FAM81B: variants seen among roughly 807,000 people sequenced by gnomAD.
FAM81B encodes the protein family with sequence similarity 81 member B, also known as protein FAM81B.
FAM81B carries 60 observed loss-of-function variants against 58.7 expected under a neutral mutation model. The observed-to-expected ratio is 1.02, with a 90% confidence interval of 0.83 to 1.27. The LOEUF is 1.27. FAM81B is among the 50% of genes most tolerant of loss of function. The probability of loss-of-function intolerance (pLI) is 0.00; values close to 1 mark genes in which losing one functional copy is unlikely to be tolerated. For synonymous variants in FAM81B, 189 were observed against 179.6 expected (o/e 1.05, Z -0.42); for missense variants, 491 against 522.0 (o/e 0.94, Z 0.58).
chr5:95,397,240 G>A (rs1373396227), intron 3 of FAM81B, among the ~76,000 whole-genome samples: 4 of 151,858 alleles, frequency 2.6e-5, no homozygotes, highest in African/African-American at 7.3e-5. Context: ...ACTTGTATTT[G>A]TTTATATGAC....
chr5:95,427,839 C>T (rs1243823086), intron 5 of FAM81B, among the ~76,000 whole-genome samples: 2 of 152,158 alleles, frequency 1.3e-5, no homozygotes, highest in African/African-American at 2.4e-5. Context: ...AACCTGCTGT[C>T]CCCCAAGAGA....
chr5:95,416,737 T>G (rs1035459481), intron 4 of FAM81B, among the ~76,000 whole-genome samples: 1 of 152,174 alleles, frequency 6.6e-6, no homozygotes, highest in Non-Finnish European at 1.5e-5. Flanking sequence ...CATTAAAATC[T>G]CTTTGCATGG....
chr5:95,445,350 C>G (rs1233700534), intron 7 of FAM81B, among the ~76,000 whole-genome samples: 3 of 152,110 alleles, frequency 2.0e-5, no homozygotes, highest in African/African-American at 7.2e-5. Flanking sequence ...GAATTTGAAG[C>G]CAACATCTTA....
Position 95,414,150 on chromosome 5 carries a change from C to G in FAM81B, c.497C>G (p.Thr166Ser). Reference sequence around the variant, plus strand: ...AAGTTACTGGAAAGCCACATCCAGACCATCACCAGCATCGTCAAAAAACTC... The same window carrying G: ...AAGTTACTGGAAAGCCACATCCAGAGCATCACCAGCATCGTCAAAAAACTC... The part of the protein sequence containing the change: ...ARKLLESHIQ[T>S]ITSIVKKLSQ... The change falls in exon 4 of 10, where the codon ACC (threonine) becomes AGC (serine). Residue 166 changes from threonine (T) to serine (S), a missense_variant. Thr to Ser is a moderately conservative substitution (Grantham distance 58). Coordinates refer to ENST00000283357, the MANE Select transcript of FAM81B (RefSeq NM_152548.3). 6.2e-7 allele frequency: 1 copy of G among 1,613,932 alleles called. No individual in the cohort carries two copies. Among genetic ancestry groups the G allele is most frequent in the Non-Finnish European group, 8.5e-7 (1 of 1,179,922 alleles).
intron 5 of FAM81B, 107 bp downstream of exon 5, chr5:95,420,509 A>G: frequency 6.9e-7 from 1 of 1,450,762 alleles, no homozygotes. Context: ...TCTACACATT[A>G]AGCTAAACTA....
intron 7 of FAM81B, chr5:95,440,659 C>G (rs768776395): frequency 2.3e-6 from 2 of 876,460 alleles, no homozygotes; most frequent in East Asian, 8.2e-5. Flanking sequence ...GATCCAAGGA[C>G]AGACCACAGA....
chr5:95,442,100 A>T lies in FAM81B; in HGVS notation c.894-4462A>T, dbSNP rs114666189. Among the ~76,000 whole-genome samples the T allele has an allele frequency of 7.9e-3, 1,197 of 152,338 alleles. 8 individuals are homozygous for T. Among genetic ancestry groups the T allele is most frequent in the Middle Eastern group, 0.017 (5 of 294 alleles). On this transcript the variant is annotated intron_variant, in intron 7 of 9. Coordinates refer to ENST00000283357, the MANE Select transcript of FAM81B (RefSeq NM_152548.3). ...GAAAGTTAATAATTACCCAGTACAG[A>T]GATATGTCAAATTCAACTTTGTATC... is the stretch of plus-strand genomic sequence containing the variant.
At chr5:95,445,756 G>C (rs1209826934) in intron 7 of FAM81B, among the ~76,000 whole-genome samples, 1 of 152,014 alleles carries the variant, frequency 6.6e-6, no homozygotes, top group Non-Finnish European at 1.5e-5. Context: ...GATTTTGCCT[G>C]AGACAAATGC....
intron 6 of FAM81B, among the ~76,000 whole-genome samples, chr5:95,428,995 C>G (rs1744749413): frequency 6.6e-6 from 1 of 152,060 alleles, no homozygotes; most frequent in Admixed American, 6.5e-5. Context: ...TATTTTTTTA[C>G]TCTCTGGAAG....
At chr5:95,421,555 G>A (rs1458435200) in intron 5 of FAM81B, among the ~76,000 whole-genome samples, 2 of 152,100 alleles carry the variant, frequency 1.3e-5, no homozygotes, top group Non-Finnish European at 2.9e-5. Flanking sequence ...GAGGGGTCTT[G>A]TAGGCTAAGG....
At chr5:95,446,376 G>A (rs1745557407) in intron 7 of FAM81B, among the ~76,000 whole-genome samples, 186 bp from the exon 8 acceptor site, 1 of 152,272 alleles carries the variant, frequency 6.6e-6, no homozygotes, top group Middle Eastern at 3.4e-3. Flanking sequence ...TAGCTGGACT[G>A]AACTCAAGCT....
intron 3 of FAM81B, among the ~76,000 whole-genome samples, chr5:95,407,735 G>A (rs537765033): frequency 6.6e-6 from 1 of 152,246 alleles, no homozygotes; most frequent in Admixed American, 6.5e-5. Context: ...CTATCTCAAA[G>A]TTCTACAACT....
At chr5:95,393,109 T>C (rs1761871982) in intron 2 of FAM81B, among the ~76,000 whole-genome samples, 1 of 152,196 alleles carries the variant, frequency 6.6e-6, no homozygotes, top group Admixed American at 6.5e-5. Flanking sequence ...ATTTTTAATA[T>C]ATGGGGCTAA....
intron 3 of FAM81B, among the ~76,000 whole-genome samples, chr5:95,410,308 A>C (rs1762374136): frequency 6.6e-6 from 1 of 152,192 alleles, no homozygotes; most frequent in South Asian, 2.1e-4. Flanking sequence ...TGACTTCCTC[A>C]GTCAGCTGCT....
At chr5:95,424,489 G>A (rs903535221) in intron 5 of FAM81B, among the ~76,000 whole-genome samples, 8 of 150,390 alleles carry the variant, frequency 5.3e-5, no homozygotes, top group Admixed American at 5.3e-4. Flanking sequence ...ACAGTCACAT[G>A]TAATTTGGCC....
rs867982926 is a variant in FAM81B, at chr5:95,450,179, C to T, written c.1256C>T (p.Ser419Phe). 1.9e-6 allele frequency: 3 copies of T among 1,612,964 alleles called. No homozygotes were observed. The African/African-American group carries it at 4.0e-5, about 22-fold the overall frequency. Residue 419 changes from serine to phenylalanine, a missense_variant, in exon 10 of 10, where the codon TCC (serine) becomes TTC (phenylalanine). By Grantham distance (155) the Ser-to-Phe change is radical. Coordinates refer to ENST00000283357, the MANE Select transcript of FAM81B (RefSeq NM_152548.3). ...GFKSIHDSLS[S>F]LQQIQKTKMD... ...AAATCAATTCATGACTCTCTCAGCT[C>T]CCTCCAACAAATACAGAAAACAAAG...
At chr5:95,418,869 C>A (rs951211688) in intron 4 of FAM81B, among the ~76,000 whole-genome samples, 3 of 151,988 alleles carry the variant, frequency 2.0e-5, no homozygotes, top group Admixed American at 6.6e-5. Context: ...AGGTAAGGAT[C>A]TAAATTAATT....
At chr5:95,423,741 A>G (rs948139416) in intron 5 of FAM81B, among the ~76,000 whole-genome samples, 3 of 152,170 alleles carry the variant, frequency 2.0e-5, no homozygotes, top group African/African-American at 7.2e-5. Context: ...GAAAACAAAA[A>G]ACTCCATCTT....
Position 95,408,108 on chromosome 5 carries a change from G to GAGAC in FAM81B, c.294-5836_294-5835insCAGA, listed in dbSNP as rs1762312105. Among the ~76,000 whole-genome samples, 5 of 149,706 alleles carry GAGAC rather than the reference G, an allele frequency of 3.3e-5. No homozygotes were observed. In the South Asian group the frequency reaches 1.1e-3, roughly 32 times the overall value. On this transcript the variant is annotated intron_variant, in intron 3 of 9. Transcript: ENST00000283357. ...AGAGAGAGAGAGAGAGAGAGAGAGA[G>GAGAC]AGAGGAGGGAAGGAGGGAGGAAGAG...
Sources: gnomAD v4.1 joint callset for allele counts (sites outside exome capture counted in the v4.1 genomes callset) on GRCh38, gnomAD v4.1.1 for gene constraint, MANE v1.5 for transcripts, NCBI Gene and HGNC (gene_info 2026-07-23, HGNC 2026-07-21) for gene names.